STOX2: variants seen among roughly 807,000 people sequenced by gnomAD.
STOX2 encodes storkhead-box protein 2.
Under a neutral mutation model 60.9 loss-of-function variants are expected in STOX2, and 28 were observed. The ratio of observed to expected loss-of-function variants is 0.46; its 90% CI spans 0.34 to 0.63. The LOEUF (loss-of-function observed/expected upper bound fraction) is 0.63, where lower values mean the gene tolerates loss of function less well. Ranked by LOEUF, STOX2 falls within the 30% of genes least tolerant of loss-of-function variation. The pLI is 0.01. For synonymous variants in STOX2, 472 were observed against 463.9 expected (o/e 1.02, Z -0.22); for missense variants, 1,024 against 1,187.7 (o/e 0.86, Z 2.03).
At chr4:183,902,957 C>T (rs1741494974), upstream of STOX2, among the ~76,000 whole-genome samples, 1 of 152,144 alleles carries the variant, frequency 6.6e-6, no homozygotes. Flanking sequence ...GCTCTTCTCC[C>T]CAAATGTCCA....
chr4:183,959,976 G>A (rs1422722126), intron 1 of STOX2, among the ~76,000 whole-genome samples: 1 of 152,028 alleles, frequency 6.6e-6, no homozygotes, highest in Non-Finnish European at 1.5e-5. Context: ...GACTAGAAAA[G>A]AAAAAAGGAA....
Position 183,817,697 on chromosome 4 carries a change from A to C in STOX2, c.364+19642A>C, listed in dbSNP as rs1465627462. 2.6e-5 allele frequency among the ~76,000 whole-genome samples: 4 copies of C among 152,202 alleles called. 1 individual carries two copies. In the East Asian group the frequency reaches 7.7e-4, roughly 29 times the overall value. On this transcript the variant is annotated intron_variant, in intron 1 of 2. Transcript: ENST00000513034. ...GTTACATCTCATCCAGTTTAGGTGA[A>C]TTCAGGTCACCTACTCTTGACATGA...
At chr4:183,934,208 T>C (rs144656979) in intron 1 of STOX2, among the ~76,000 whole-genome samples, 35,855 of 151,910 alleles carry the variant, frequency 0.24, 7,709 homozygotes, top group African/African-American at 0.57. Flanking sequence ...GAGGCTGAGT[T>C]AGGAGTATCG....
chr4:183,889,719 C>T (rs1293681833), intron 1 of STOX2, among the ~76,000 whole-genome samples: 1 of 152,202 alleles, frequency 6.6e-6, no homozygotes, highest in Non-Finnish European at 1.5e-5. Context: ...TGCTGGGGCA[C>T]GGCAGGCCTG....
At chr4:183,947,431 C>T (rs1354086455) in intron 1 of STOX2, among the ~76,000 whole-genome samples, 1 of 152,142 alleles carries the variant, frequency 6.6e-6, no homozygotes, top group Non-Finnish European at 1.5e-5. Context: ...TCCTTTGCTT[C>T]TCAGGCAATA....
intron 1 of STOX2, among the ~76,000 whole-genome samples, chr4:183,924,047 T>C (rs992696089): frequency 1.3e-5 from 2 of 152,198 alleles, no homozygotes; most frequent in African/African-American, 4.8e-5. Context: ...TCCAGAACTT[T>C]ATATTTTCAA....
chr4:184,010,468 G>T lies in STOX2; in HGVS notation c.1630G>T (p.Ala544Ser). The T allele has an allele frequency of 6.2e-7, 1 of 1,613,846 alleles. No homozygotes were observed. The highest frequency in any genetic ancestry group is 1.1e-5 in the South Asian group (1 of 91,020). ...RPAQTVSLQR[A>S]HISSTSYKEV... ...TGCACAGACCGTTAGTCTCCAAAGG[G>T]CTCACATTTCGTCCACAAGCTATAA... Residue 544 changes from alanine (A) to serine (S), a missense_variant, in exon 3 of 4, where the codon GCT (alanine) becomes TCT (serine). By Grantham distance (99) the Ala-to-Ser change is moderately conservative. Transcript: ENST00000308497. This position sits in a 1 kb window ranked among gnomAD's most constrained non-coding sequence, Gnocchi z 4.5.
At chr4:183,965,445 G>A (rs1476986459) in intron 1 of STOX2, among the ~76,000 whole-genome samples, 1 of 152,056 alleles carries the variant, frequency 6.6e-6, no homozygotes, top group Non-Finnish European at 1.5e-5. Context: ...ACCAAATTCT[G>A]TTCACTTTAA....
intron 1 of STOX2, among the ~76,000 whole-genome samples, chr4:183,942,330 T>C (rs1742774653): frequency 7.0e-6 from 1 of 142,624 alleles, no homozygotes. Flanking sequence ...TGTGCCAGGC[T>C]TCTAGGTTTT....
chr4:183,915,943 G>A (rs985034361), intron 1 of STOX2, among the ~76,000 whole-genome samples: 3 of 152,250 alleles, frequency 2.0e-5, no homozygotes, highest in Non-Finnish European at 2.9e-5. Context: ...ACACTAGTCC[G>A]CCACCTCTGA....
In STOX2 at chr4:184,009,465, G is replaced by T; in HGVS notation, c.627G>T (p.Thr209=). ...CHCCREDVHS[T]HAPTLQRKSA... Reference sequence around the variant, plus strand: ...GCTGCAGAGAAGACGTGCACAGCACGCATGCACCCACCCTGCAAAGGAAGT... The same window carrying T: ...GCTGCAGAGAAGACGTGCACAGCACTCATGCACCCACCCTGCAAAGGAAGT... The change falls in exon 3 of 4, where the codon ACG becomes ACT. Residue 209 remains threonine, a synonymous_variant. Transcript: ENST00000308497. This position sits in a 1 kb window ranked among gnomAD's most constrained non-coding sequence, Gnocchi z 4.0. 6.2e-7 allele frequency: 1 copy of T among 1,614,018 alleles called. No individual in the cohort carries two copies. The highest frequency in any genetic ancestry group is 8.5e-7 in the Non-Finnish European group (1 of 1,179,896).
At chr4:183,929,350 A>G (rs1742343604) in intron 1 of STOX2, among the ~76,000 whole-genome samples, 1 of 152,176 alleles carries the variant, frequency 6.6e-6, no homozygotes, top group African/African-American at 2.4e-5. Flanking sequence ...ATAATCCAGT[A>G]AAGATTTAGA....
chr4:183,965,715 G>C, intron 1 of STOX2, among the ~76,000 whole-genome samples: 1 of 152,164 alleles, frequency 6.6e-6, no homozygotes. Flanking sequence ...TAGGGTGACA[G>C]AGGAAACCAG....
In STOX2 at chr4:183,906,779, G is replaced by C. The variant is rs371120758; in HGVS notation, c.-12G>C. The stretch of plus-strand genomic sequence containing the variant: ...GCCCCGAGGATCGGGGCGGCAGGTC[G>C]CCCTCCCCACCATGAAGAAGACCCG... On this transcript the variant is annotated 5_prime_UTR_variant, in exon 1 of 4. Transcript: ENST00000308497. 65 of 1,512,692 alleles carry C rather than the reference G, an allele frequency of 4.3e-5. No individual in the cohort carries two copies. The African/African-American group carries it at 8.7e-4, about 20-fold the overall frequency. The allele number at this position is 1,512,692 out of a possible 1,614,324, so 93.7% of individuals were successfully genotyped here. A position where few individuals can be genotyped will look rare whatever the true frequency, so the allele number is the denominator to read the frequency against.
chr4:183,857,403 T>C (rs79342366), intron 1 of STOX2, among the ~76,000 whole-genome samples: 6 of 14,192 alleles, frequency 4.2e-4, no homozygotes, highest in South Asian at 3.1e-3. Flanking sequence ...GGTTGCCTCA[T>C]AGGATTGGTC....
intron 1 of STOX2, among the ~76,000 whole-genome samples, chr4:183,934,649 G>T (rs958377701): frequency 7.9e-5 from 12 of 152,052 alleles, no homozygotes. Context: ...GGCCTTGTCA[G>T]CCTCAACGAG....
intron 1 of STOX2, among the ~76,000 whole-genome samples, chr4:183,971,583 A>G (rs915191423): frequency 1.3e-5 from 2 of 152,224 alleles, no homozygotes; most frequent in Non-Finnish European, 1.5e-5. Context: ...AAGGAAGCTA[A>G]CTTTGAGTCA....
intron 1 of STOX2, among the ~76,000 whole-genome samples, chr4:183,872,118 C>G (rs573659397): frequency 4.6e-5 from 7 of 152,128 alleles, no homozygotes; most frequent in African/African-American, 1.7e-4. Context: ...TATAGTGGCG[C>G]AATCTTGGCT....
chr4:184,014,418 G>A (rs1366025870), intron 3 of STOX2: 1 of 152,094 alleles, frequency 6.6e-6, no homozygotes, highest in Non-Finnish European at 1.5e-5. Context: ...GGGTATATCT[G>A]CTTAATGTAT....
Sources: gnomAD v4.1 joint callset for allele counts (sites outside exome capture counted in the v4.1 genomes callset) on GRCh38, gnomAD v4.1.1 for gene constraint, Gnocchi (gnomAD v3.1) non-coding constraint, MANE v1.5 for transcripts, NCBI Gene and HGNC (gene_info 2026-07-23, HGNC 2026-07-21) for gene names.